The following FGF22 variants were observed in gnomAD, a reference collection of about 807,000 sequenced individuals.
FGF22 encodes fibroblast growth factor 22, also known as FGF-22.
A neutral mutation model predicts 10.3 loss-of-function variants in FGF22; 11 were observed. That is an observed-to-expected ratio of 1.07 (90% confidence interval 0.67 to 1.77). The LOEUF is 1.77. FGF22 is among the 40% of genes most tolerant of loss of function. FGF22 has a pLI of 0.00. For synonymous variants in FGF22, 136 were observed against 122.1 expected, an observed-to-expected ratio of 1.11 and a Z score of -0.75; for missense variants, 317 against 273.2, an observed-to-expected ratio of 1.16 and a Z score of -1.13.
At chr19:643,866 G>T in exon 3 of FGF22, 1 of 486,362 alleles carries the variant, frequency 2.1e-6, no homozygotes, top group Admixed American at 3.7e-5. Flanking sequence ...AAAGGTCGAG[G>T]GGGACGTCCC....
chr19:641,512 T>TGCAA, intron 1 of FGF22: 1 of 306,860 alleles, frequency 3.3e-6, no homozygotes, highest in Non-Finnish European at 6.6e-6. Context: ...GAGGTGGAGC[T>TGCAA]TGCAGTGAGC....
chr19:643,773 T>TGGC, exon 3 of FGF22: 1 of 623,260 alleles, frequency 1.6e-6, no homozygotes, highest in Non-Finnish European at 2.8e-6. Flanking sequence ...GAGGGGGTGG[T>TGGC]GGCCACCAAG....
exon 1 of FGF22, chr19:640,092 A>C: frequency 7.1e-7 from 1 of 1,409,376 alleles, no homozygotes; most frequent in South Asian, 1.5e-5. Context: ...CTGCGCGTGG[A>C]TCCCGGCGGC....
At chr19:644,201 G>A (rs1387228494) in exon 3 of FGF22, 1 of 155,932 alleles carries the variant, frequency 6.4e-6, no homozygotes, top group African/African-American at 2.4e-5. Context: ...GGGGAGGAAG[G>A]GCCCTAAGCT....
exon 2 of FGF22, chr19:643,327 C>G: frequency 6.2e-7 from 1 of 1,607,750 alleles, no homozygotes. Context: ...CCGGGGCCGC[C>G]TCTACGGGTC....
exon 3 of FGF22, chr19:643,984 G>C (rs1568185182): frequency 1.0e-5 from 3 of 294,588 alleles, no homozygotes; most frequent in Non-Finnish European, 1.9e-5. Flanking sequence ...AGACGCCGCA[G>C]AACACCAGCC....
At chr19:641,259 A>G in intron 1 of FGF22, 1 of 455,980 alleles carries the variant, frequency 2.2e-6, no homozygotes, top group South Asian at 1.5e-5. Flanking sequence ...ACACGTGAAC[A>G]AGGGCGCAGG....
chr19:643,228 C>T lies in FGF22; in HGVS notation c.215-7C>T, dbSNP rs1037686166. Reference sequence around the variant, plus strand: ...GCAAGGCCCTCCCCGACCCCCGCCTCCCCCAGGCATCCTGGAGATCCGCTC... The same window carrying T: ...GCAAGGCCCTCCCCGACCCCCGCCTTCCCCAGGCATCCTGGAGATCCGCTC... On this transcript the variant is annotated splice_polypyrimidine_tract_variant and splice_region_variant and intron_variant, in intron 1 of 2. Transcript: ENST00000215530. 1.3e-6 allele frequency: 2 copies of T among 1,578,360 alleles called. No homozygotes were observed. Among genetic ancestry groups the T allele is most frequent in the Admixed American group, 1.8e-5 (1 of 56,936 alleles).
intron 1 of FGF22, chr19:641,573 T>TAAAA: frequency 1.5e-5 from 1 of 64,538 alleles, no homozygotes; most frequent in Non-Finnish European, 3.0e-5. Context: ...AGACTCCGTC[T>TAAAA]CAAAAAAAAA....
exon 3 of FGF22, chr19:643,833 C>G (rs988994422): frequency 2.0e-6 from 1 of 511,852 alleles, no homozygotes; most frequent in Non-Finnish European, 3.5e-6. Flanking sequence ...GGGCGCCTCT[C>G]GGGCTGAAGG....
At chr19:642,595 G>A (rs1362863988) in intron 1 of FGF22, among the ~76,000 whole-genome samples, 5 of 134,078 alleles carry the variant, frequency 3.7e-5, no homozygotes, top group Admixed American at 7.4e-5. Context: ...GGGCCGGGCT[G>A]GGGGCTCCCT....
At chr19:644,072 T>G in exon 3 of FGF22, 1 of 175,882 alleles carries the variant, frequency 5.7e-6, no homozygotes, top group Non-Finnish European at 1.2e-5. Flanking sequence ...GGGACGGAGA[T>G]GGAGGAGCAT....
At chr19:643,589 C>T (rs748525481) in exon 3 of FGF22, 28 of 1,547,020 alleles carry the variant, frequency 1.8e-5, no homozygotes, top group African/African-American at 8.2e-5. Flanking sequence ...ACTTCCTGCC[C>T]GTCCTGGTCT....
In FGF22 at chr19:641,128, C is replaced by T. The variant is rs529891242; in HGVS notation, c.214+989C>T. On this transcript the variant is annotated intron_variant, in intron 1 of 2. Coordinates refer to ENST00000215530, the Ensembl canonical transcript of FGF22. ...GCTAGCTGAGGGCTCTCCTGCCCTT[C>T]GTGCATTCGCTGGTCACTAATCGGG... 2.7e-4 allele frequency: 125 copies of T among 455,268 alleles called. 1 individual carries two copies. The highest frequency in any genetic ancestry group is 5.2e-4 in the Non-Finnish European group (117 of 226,182). 28.2% of individuals were successfully genotyped at this position (455,268 alleles called of 1,614,324 possible).
chr19:643,249 C>T lies in FGF22; in HGVS notation c.229C>T (p.Arg77Cys), dbSNP rs150121578. ...GCCTCCCCCAGGCATCCTGGAGATC[C>T]GCTCTGTACACGTGGGCGTCGTGGT... The change falls in exon 2 of 3, where the codon CGC becomes TGC. Residue 77 changes from arginine (R) to cysteine (C), a missense_variant. Transcript: ENST00000215530. 14 of 1,611,114 alleles carry T rather than the reference C, an allele frequency of 8.7e-6. No homozygotes were observed. The highest frequency in any genetic ancestry group is 7.7e-5 in the South Asian group (7 of 90,890).
chr19:643,566 CA>C lies in FGF22; in HGVS notation c.476del (p.His159ProfsTer66), dbSNP rs751084478. On this transcript the variant is annotated frameshift_variant, in exon 3 of 3. Coordinates refer to ENST00000215530, the Ensembl canonical transcript of FGF22. LOFTEE classifies it high-confidence loss of function. ...GCCAGGCGGCCGGACGCGGCGGTACCACCTGTCCGCCCACTTCCTGCCCGTC... is the reference window on the plus strand; with the variant it reads ...GCCAGGCGGCCGGACGCGGCGGTACCCCTGTCCGCCCACTTCCTGCCCGTC... 2.5e-6 allele frequency: 4 copies of C among 1,573,578 alleles called. No individual in the cohort carries two copies. In the Admixed American group the frequency reaches 7.3e-5, roughly 29 times the overall value.
intron 1 of FGF22, among the ~76,000 whole-genome samples, chr19:642,061 G>C (rs1337790595): frequency 6.6e-6 from 1 of 152,204 alleles, no homozygotes; most frequent in Non-Finnish European, 1.5e-5. Context: ...GGCTTGGTAG[G>C]ACAGCTGGCA....
At chr19:642,855 C>T (rs1416236558) in intron 1 of FGF22, among the ~76,000 whole-genome samples, 2 of 151,826 alleles carry the variant, frequency 1.3e-5, no homozygotes, top group Non-Finnish European at 2.9e-5. Flanking sequence ...CCCTGACGTC[C>T]GTCCCTCTGG....
At chr19:641,492 G>A (rs1449496292) in intron 1 of FGF22, 18 of 323,832 alleles carry the variant, frequency 5.6e-5, no homozygotes, top group Admixed American at 5.0e-4. Context: ...GGAGAATGAC[G>A]TGAAGCCGGG....
Sources: allele counts gnomAD v4.1 joint callset (sites outside exome capture counted in the v4.1 genomes callset), GRCh38; gene constraint gnomAD v4.1.1; transcripts MANE v1.5; gene names NCBI Gene and HGNC (gene_info 2026-07-23, HGNC 2026-07-21).